FHOD3: variants seen among roughly 807,000 people sequenced by gnomAD.
FHOD3 encodes FH1/FH2 domain-containing protein 3.
FHOD3 carries 90 observed loss-of-function variants against 173.0 expected under a neutral mutation model. That is an observed-to-expected ratio of 0.52 (90% CI 0.44 to 0.62). FHOD3 has a LOEUF of 0.62. FHOD3 is among the 20% of genes least tolerant of loss of function. FHOD3 has a pLI of 0.00. For missense variants in FHOD3, 1,945 were observed against 2,034.7 expected, an observed-to-expected ratio of 0.96 and a Z score of 0.85; for synonymous variants, 828 against 823.0, an observed-to-expected ratio of 1.01 and a Z score of -0.10.
At chr18:36,442,820 G>A (rs1034597645) in intron 3 of FHOD3, among the ~76,000 whole-genome samples, 1 of 152,018 alleles carries the variant, frequency 6.6e-6, no homozygotes, top group African/African-American at 2.4e-5. Context: ...CTATTCCAAG[G>A]TCCAGTTCAG....
At chr18:36,542,850 G>A (rs1338604878) in intron 5 of FHOD3, among the ~76,000 whole-genome samples, 5 of 152,154 alleles carry the variant, frequency 3.3e-5, no homozygotes, top group African/African-American at 1.2e-4. Context: ...AAAAAATGAC[G>A]AAGGGAAAGT....
chr18:36,610,323 G>C (rs2032541255), intron 8 of FHOD3, among the ~76,000 whole-genome samples: 1 of 152,214 alleles, frequency 6.6e-6, no homozygotes, highest in African/African-American at 2.4e-5. Context: ...TTCACTAAAA[G>C]CAAAGGATGA....
intron 10 of FHOD3, among the ~76,000 whole-genome samples, chr18:36,632,305 T>G (rs1396643621): frequency 6.6e-6 from 1 of 152,258 alleles, no homozygotes; most frequent in Non-Finnish European, 1.5e-5. Context: ...TTATTACTAC[T>G]GAGGCTGTAC....
intron 2 of FHOD3, among the ~76,000 whole-genome samples, chr18:36,359,701 A>T (rs745749830): frequency 7.9e-5 from 12 of 152,186 alleles, no homozygotes; most frequent in Non-Finnish European, 4.4e-5. Flanking sequence ...GGTTAGGGAC[A>T]CAGGCTTTAC....
At chr18:36,378,923 G>A (rs1029906455) in intron 3 of FHOD3, among the ~76,000 whole-genome samples, 6 of 152,104 alleles carry the variant, frequency 3.9e-5, no homozygotes, top group Non-Finnish European at 8.8e-5. Flanking sequence ...GACCTCAGGC[G>A]ATCTGCCCAC....
intron 1 of FHOD3, among the ~76,000 whole-genome samples, chr18:36,309,710 C>A (rs536701502): frequency 8.5e-5 from 13 of 152,324 alleles, no homozygotes; most frequent in Non-Finnish European, 1.6e-4. Context: ...TGCCTGGGAG[C>A]AGGGAAAGGA....
chr18:36,636,441 G>A (rs1565976), intron 10 of FHOD3, among the ~76,000 whole-genome samples: 129,944 of 152,084 alleles, frequency 0.85, 55,680 homozygotes, highest in East Asian at 1. Context: ...AAATAGGGAA[G>A]TGAAACTCTG....
intron 9 of FHOD3, among the ~76,000 whole-genome samples, chr18:36,612,523 A>T (rs1244487416): frequency 6.6e-6 from 1 of 152,230 alleles, no homozygotes; most frequent in East Asian, 1.9e-4. Flanking sequence ...ATGAAGGACC[A>T]TTTATGGAAC....
chr18:36,681,665 A>C, intron 15 of FHOD3, 95 bp downstream of exon 15: 1 of 1,354,468 alleles, frequency 7.4e-7, no homozygotes, highest in South Asian at 1.5e-5. Context: ...GCATTAAAGG[A>C]AGTAATGAAA....
intron 1 of FHOD3, among the ~76,000 whole-genome samples, chr18:36,335,726 TA>T (rs1249726452): frequency 6.6e-6 from 1 of 152,134 alleles, no homozygotes; most frequent in African/African-American, 2.4e-5. Flanking sequence ...GCTTGCCTCA[TA>T]CGGATGCTGC....
chr18:36,390,669 G>A (rs1459197813), intron 3 of FHOD3, among the ~76,000 whole-genome samples: 1 of 152,208 alleles, frequency 6.6e-6, no homozygotes, highest in Non-Finnish European at 1.5e-5. Context: ...GCATGAACAA[G>A]TGATGGTTTT....
intron 15 of FHOD3, among the ~76,000 whole-genome samples, chr18:36,683,789 GA>G (rs1210607828): frequency 1.3e-5 from 2 of 152,212 alleles, no homozygotes; most frequent in Admixed American, 1.3e-4. Flanking sequence ...GCAGTTGCCT[GA>G]AATGGGAGAG....
Position 36,740,733 on chromosome 18 carries a change from C to T in FHOD3, c.3654C>T (p.Pro1218=), listed in dbSNP as rs1246367077. 1 of 1,614,078 alleles carries T rather than the reference C, an allele frequency of 6.2e-7. No homozygotes were observed. Among genetic ancestry groups the T allele is most frequent in the East Asian group, 2.2e-5 (1 of 44,882 alleles). ...CTCAGCTGGCCAACCCTGAAATCCC[C>T]CTGGGCAGTGCAGAGCAGTTCCTCC... ...QEAQLANPEI[P]LGSAEQFLLT... The change falls in exon 21 of 29, where the codon CCC becomes CCT. Residue 1218 remains proline, a synonymous_variant. Coordinates refer to ENST00000590592, the MANE Select transcript of FHOD3 (RefSeq NM_001281740.3).
intron 3 of FHOD3, among the ~76,000 whole-genome samples, chr18:36,379,826 A>G (rs2047644756): frequency 1.3e-5 from 2 of 152,234 alleles, no homozygotes; most frequent in South Asian, 4.1e-4. Flanking sequence ...GGCTGTCCCC[A>G]TGAAGAGACA....
intron 13 of FHOD3, among the ~76,000 whole-genome samples, chr18:36,653,961 A>T (rs2036239051): frequency 6.6e-6 from 1 of 152,210 alleles, no homozygotes; most frequent in Non-Finnish European, 1.5e-5. Context: ...AAGTACCTTG[A>T]CCAGAGTCAC....
At chr18:36,595,710 C>T (rs1180442325) in intron 7 of FHOD3, among the ~76,000 whole-genome samples, 2 of 152,192 alleles carry the variant, frequency 1.3e-5, no homozygotes, top group Non-Finnish European at 2.9e-5. Flanking sequence ...CGAGCTTCTG[C>T]TCTGGTTTAC....
intron 25 of FHOD3, among the ~76,000 whole-genome samples, chr18:36,755,687 C>A (rs1416455812): frequency 6.6e-6 from 1 of 152,128 alleles, no homozygotes; most frequent in African/African-American, 2.4e-5. Context: ...CATAGAAAGA[C>A]AAATGTACTG....
intron 1 of FHOD3, among the ~76,000 whole-genome samples, chr18:36,307,292 C>T (rs1446216356): frequency 6.6e-6 from 1 of 152,158 alleles, no homozygotes; most frequent in Non-Finnish European, 1.5e-5. Context: ...TCCATTTTTC[C>T]CTAATTTGTA....
chr18:36,317,939 A>G (rs1762780354), intron 1 of FHOD3, among the ~76,000 whole-genome samples: 1 of 152,172 alleles, frequency 6.6e-6, no homozygotes, highest in African/African-American at 2.4e-5. Context: ...TCAGCTTTCT[A>G]CATATGGCTA....
Sources: allele counts gnomAD v4.1 joint callset (sites outside exome capture counted in the v4.1 genomes callset), GRCh38; gene constraint gnomAD v4.1.1; transcripts MANE v1.5; gene names NCBI Gene and HGNC (gene_info 2026-07-23, HGNC 2026-07-21).